COL22A1: variants seen among roughly 807,000 people sequenced by gnomAD.
COL22A1 encodes the protein collagen alpha-1(XXII) chain.
Under a neutral mutation model 248.9 loss-of-function variants are expected in COL22A1, and 221 were observed. The observed-to-expected ratio is 0.89, with a 90% CI of 0.80 to 0.99. COL22A1 has a LOEUF of 0.99. Among genes scored for constraint, COL22A1 ranks in the 50% least tolerant of loss-of-function variants. COL22A1 has a pLI of 0.00. For missense variants in COL22A1, 2,240 were observed against 2,179.0 expected, an observed-to-expected ratio of 1.03 and a Z score of -0.56; for synonymous variants, 891 against 793.4, an observed-to-expected ratio of 1.12 and a Z score of -2.07.
At chr8:138,633,146 G>A (rs1172494857) in intron 49 of COL22A1, among the ~76,000 whole-genome samples, 1 of 152,194 alleles carries the variant, frequency 6.6e-6, no homozygotes, top group Non-Finnish European at 1.5e-5. Flanking sequence ...TGACCAGAAA[G>A]GTTAATTTTC....
intron 3 of COL22A1, among the ~76,000 whole-genome samples, chr8:138,854,680 T>A (rs1821882483): frequency 6.6e-6 from 1 of 152,226 alleles, no homozygotes; most frequent in South Asian, 2.1e-4. Flanking sequence ...CCTATTTCTA[T>A]TCCCGTTACA....
intron 37 of COL22A1, among the ~76,000 whole-genome samples, chr8:138,686,425 T>C (rs1354831443): frequency 6.6e-6 from 1 of 152,134 alleles, no homozygotes; most frequent in African/African-American, 2.4e-5. Context: ...TCACAGTGTT[T>C]CCAGACATTC....
At chr8:138,883,767 C>T (rs762940344) in intron 1 of COL22A1, among the ~76,000 whole-genome samples, 1 of 152,194 alleles carries the variant, frequency 6.6e-6, no homozygotes, top group Non-Finnish European at 1.5e-5. Flanking sequence ...CCCCTTCCTC[C>T]ATAACTGTAA....
In COL22A1 at chr8:138,685,358, C is replaced by A. The variant is rs371198153; in HGVS notation, c.2863-46G>T. The A allele has an allele frequency of 5.2e-6, 8 of 1,527,132 alleles. No homozygotes were observed. In the African/African-American group the frequency reaches 9.6e-5, roughly 18 times the overall value. 94.6% of individuals were successfully genotyped at this position (1,527,132 alleles called of 1,614,324 possible). A position where few individuals can be genotyped will look rare whatever the true frequency, so the allele number is the denominator to read the frequency against. On this transcript the variant is annotated intron_variant, in intron 37 of 64. Coordinates refer to ENST00000303045, the MANE Select transcript of COL22A1 (RefSeq NM_152888.3). ...TTCCCAGGGTCAATTACACTCAGCA[C>A]GAAGCTTTTCTATGGGGGAGCAGCT...
intron 12 of COL22A1, among the ~76,000 whole-genome samples, chr8:138,791,250 C>T (rs960638375): frequency 4.6e-5 from 7 of 152,218 alleles, no homozygotes; most frequent in African/African-American, 1.4e-4. Flanking sequence ...GGATGCTGGG[C>T]GTGCAAGGAG....
chr8:138,895,475 A>G (rs1825339898), intron 1 of COL22A1, among the ~76,000 whole-genome samples: 1 of 152,230 alleles, frequency 6.6e-6, no homozygotes, highest in Non-Finnish European at 1.5e-5. Context: ...AACAGAAACA[A>G]AAAGTAATTT....
intron 62 of COL22A1, among the ~76,000 whole-genome samples, chr8:138,594,967 G>T (rs1213140674): frequency 6.6e-6 from 1 of 152,120 alleles, no homozygotes; most frequent in Non-Finnish European, 1.5e-5. Context: ...GTCCAGTGCT[G>T]GTCTGGCAGC....
At chr8:138,700,038 G>T (rs373048713) in intron 32 of COL22A1, 74 bp downstream of exon 32, 40 of 1,423,250 alleles carry the variant, frequency 2.8e-5, no homozygotes, top group Non-Finnish European at 3.5e-5. Flanking sequence ...CCCAGTCCAG[G>T]CTCCCAGGCC....
At chr8:138,680,262 G>A (rs1304877002) in intron 39 of COL22A1, among the ~76,000 whole-genome samples, 2 of 152,180 alleles carry the variant, frequency 1.3e-5, no homozygotes, top group Admixed American at 1.3e-4. Context: ...TATTTATTGA[G>A]CAACAGCTGT....
intron 4 of COL22A1, among the ~76,000 whole-genome samples, chr8:138,841,502 C>T (rs560305110): frequency 1.3e-5 from 2 of 152,262 alleles, no homozygotes; most frequent in East Asian, 1.9e-4. Flanking sequence ...GGGATGGACA[C>T]ACCACACAGA....
At chr8:138,706,488 C>G (rs1828463451) in intron 30 of COL22A1, among the ~76,000 whole-genome samples, 1 of 152,208 alleles carries the variant, frequency 6.6e-6, no homozygotes, top group African/African-American at 2.4e-5. Context: ...GAAACTCACT[C>G]AAAACCACTC....
At chr8:138,856,701 G>A (rs1193331186) in intron 3 of COL22A1, among the ~76,000 whole-genome samples, 1 of 152,118 alleles carries the variant, frequency 6.6e-6, no homozygotes, top group Non-Finnish European at 1.5e-5. Context: ...GAGAGGGATA[G>A]AGAGAGAGAC....
chr8:138,844,606 G>C (rs565008807), intron 3 of COL22A1, among the ~76,000 whole-genome samples: 23 of 152,208 alleles, frequency 1.5e-4, no homozygotes, highest in Admixed American at 1.5e-3. Context: ...GATTTAGCCT[G>C]ATAGACAAAA....
chr8:138,716,937 G>T, intron 27 of COL22A1, 68 bp from the exon 28 acceptor site: 1 of 1,202,252 alleles, frequency 8.3e-7, no homozygotes. Flanking sequence ...CCATTTCCCA[G>T]TTGTCCTCAC....
chr8:138,883,775 T>G (rs571663881), intron 1 of COL22A1, among the ~76,000 whole-genome samples: 1 of 152,294 alleles, frequency 6.6e-6, no homozygotes, highest in East Asian at 1.9e-4. Context: ...TCCATAACTG[T>G]AAGTTCCCTG....
At chr8:138,786,752 A>C (rs1466168459) in intron 12 of COL22A1, among the ~76,000 whole-genome samples, 1 of 152,098 alleles carries the variant, frequency 6.6e-6, no homozygotes, top group Non-Finnish European at 1.5e-5. Context: ...AAAGATACAA[A>C]AATTAGCTGG....
intron 4 of COL22A1, among the ~76,000 whole-genome samples, chr8:138,839,530 GGCATTT>G (rs1820709820): frequency 6.6e-6 from 1 of 152,152 alleles, no homozygotes; most frequent in Admixed American, 6.5e-5. Flanking sequence ...ATGCACACTG[GGCATTT>G]GCAATGTTTA....
In COL22A1 at chr8:138,780,998, G is replaced by T. The variant is rs746217346; in HGVS notation, c.1597-18C>A. 3.2e-6 allele frequency: 5 copies of T among 1,573,820 alleles called. No homozygotes were observed. In the East Asian group the frequency reaches 1.1e-4, roughly 35 times the overall value. On this transcript the variant is annotated intron_variant, in intron 12 of 64. Coordinates refer to ENST00000303045, the MANE Select transcript of COL22A1 (RefSeq NM_152888.3). ...AGGGAACCCTAAAGCCAAAAAAAGA[G>T]AATAGCAATTAGTAAAGAATAACTG...
At chr8:138,685,123 G>A (rs1009095028) in intron 38 of COL22A1, 85 bp downstream of exon 38, 1 of 969,332 alleles carries the variant, frequency 1.0e-6, no homozygotes, top group Non-Finnish European at 1.6e-6. Flanking sequence ...TTTCTGCAAA[G>A]TTTGGCAGTT....
Sources: allele counts gnomAD v4.1 joint callset (sites outside exome capture counted in the v4.1 genomes callset), GRCh38; gene constraint gnomAD v4.1.1; transcripts MANE v1.5; gene names NCBI Gene and HGNC (gene_info 2026-07-23, HGNC 2026-07-21).